The following SGCZ variants were observed in gnomAD, a reference collection of about 807,000 sequenced individuals.
SGCZ encodes the protein zeta-sarcoglycan.
SGCZ carries 40 observed loss-of-function variants against 41.3 expected under a neutral mutation model. The observed-to-expected ratio is 0.97, with a 90% CI of 0.75 to 1.26. The LOEUF is 1.26. Ranked by LOEUF, SGCZ falls within the 50% of genes most tolerant of loss-of-function variation. The pLI, the probability that SGCZ is intolerant of heterozygous loss-of-function variation, is 0.00. For synonymous variants in SGCZ, 206 were observed against 137.5 expected (o/e 1.50, Z -3.49); for missense variants, 552 against 369.8 (o/e 1.49, Z -4.04).
rs185402595 is a variant in SGCZ at position 14,824,129 on chromosome 8, C to T, written c.40-269203G>A. On this transcript the variant is annotated intron_variant, in intron 1 of 7. Coordinates refer to ENST00000382080, the MANE Select transcript of SGCZ (RefSeq NM_139167.4). ...GAGAGGAGGATGAGAAAAGGTTTTT[C>T]GAGAGAAACAGACTTACAAATGGGT... 2.4e-4 allele frequency among the ~76,000 whole-genome samples: 37 copies of T among 152,098 alleles called. No homozygotes were observed. In the Middle Eastern group the frequency reaches 0.01, roughly 42 times the overall value.
chr8:14,564,422 C>G (rs1231841146), intron 1 of SGCZ, among the ~76,000 whole-genome samples: 1 of 152,170 alleles, frequency 6.6e-6, no homozygotes, highest in East Asian at 1.9e-4. Context: ...GAGTTCAGAT[C>G]CCAGCTTGTC....
At chr8:15,083,705 T>C (rs1352662526) in intron 1 of SGCZ, among the ~76,000 whole-genome samples, 1 of 152,108 alleles carries the variant, frequency 6.6e-6, no homozygotes, top group Admixed American at 6.5e-5. Context: ...TGTGCTTTCA[T>C]GTCCAGCTAA....
chr8:14,405,664 G>C (rs903015249), intron 2 of SGCZ, among the ~76,000 whole-genome samples: 1 of 152,090 alleles, frequency 6.6e-6, no homozygotes, highest in Non-Finnish European at 1.5e-5. Flanking sequence ...TTGAGATTCT[G>C]TGTTTTGTGA....
At chr8:14,171,793 T>C (rs1804391441) in intron 4 of SGCZ, among the ~76,000 whole-genome samples, 2 of 152,110 alleles carry the variant, frequency 1.3e-5, no homozygotes, top group South Asian at 4.1e-4. Context: ...TTAGTTTTTA[T>C]ATAAAAATTA....
intron 2 of SGCZ, among the ~76,000 whole-genome samples, chr8:14,466,258 GTTT>G (rs1000161712): frequency 1.3e-5 from 2 of 151,922 alleles, no homozygotes; most frequent in African/African-American, 4.8e-5. Context: ...TTGGTTGCCA[GTTT>G]TTTTGTTTGT....
chr8:14,452,693 G>C (rs1404469495), intron 2 of SGCZ, among the ~76,000 whole-genome samples: 1 of 152,098 alleles, frequency 6.6e-6, no homozygotes, highest in African/African-American at 2.4e-5. Flanking sequence ...TGGAGGCCGG[G>C]AGATAGGGTG....
chr8:15,226,372 G>A (rs1240426852), intron 1 of SGCZ, among the ~76,000 whole-genome samples: 3 of 152,210 alleles, frequency 2.0e-5, no homozygotes, highest in Non-Finnish European at 4.4e-5. Flanking sequence ...GGCTCCGCAA[G>A]AGTGTAACTC....
intron 1 of SGCZ, among the ~76,000 whole-genome samples, chr8:15,069,091 T>C (rs1412747859): frequency 6.6e-6 from 1 of 152,256 alleles, no homozygotes; most frequent in Non-Finnish European, 1.5e-5. Flanking sequence ...GAATGTTCTT[T>C]CATTTAATAA....
intron 1 of SGCZ, among the ~76,000 whole-genome samples, chr8:14,756,777 T>G (rs1192532103): frequency 6.6e-6 from 1 of 152,176 alleles, no homozygotes; most frequent in Admixed American, 6.6e-5. Context: ...ATTAATACAA[T>G]TGTACAAACA....
At chr8:14,289,523 T>G (rs1800768571) in intron 3 of SGCZ, among the ~76,000 whole-genome samples, 1 of 152,116 alleles carries the variant, frequency 6.6e-6, no homozygotes, top group Non-Finnish European at 1.5e-5. Flanking sequence ...TTGAAGAGAC[T>G]ATGACTTTCC....
chr8:14,954,366 C>T (rs778048421), intron 1 of SGCZ, among the ~76,000 whole-genome samples: 7 of 152,164 alleles, frequency 4.6e-5, no homozygotes, highest in Non-Finnish European at 7.3e-5. Flanking sequence ...TCTGCCTTCA[C>T]ATCCACCTTC....
chr8:14,213,852 G>C (rs62492323), intron 4 of SGCZ, among the ~76,000 whole-genome samples: 36,194 of 151,984 alleles, frequency 0.24, 5,538 homozygotes, highest in Non-Finnish European at 0.34. Flanking sequence ...AAAAAGTTAT[G>C]TCAGTTGTGA....
At chr8:14,787,530 T>A (rs766592719) in intron 1 of SGCZ, among the ~76,000 whole-genome samples, 4 of 152,102 alleles carry the variant, frequency 2.6e-5, no homozygotes, top group Non-Finnish European at 4.4e-5. Context: ...CAGTAGTAAC[T>A]GAGTTTTATC....
At chr8:14,833,747 G>A (rs1260963248) in intron 1 of SGCZ, among the ~76,000 whole-genome samples, 1 of 151,808 alleles carries the variant, frequency 6.6e-6, no homozygotes. Flanking sequence ...AGCAAGTGGA[G>A]GAAACTTCAA....
intron 1 of SGCZ, among the ~76,000 whole-genome samples, chr8:15,192,604 C>T (rs1346812011): frequency 6.6e-6 from 1 of 152,146 alleles, no homozygotes; most frequent in Non-Finnish European, 1.5e-5. Flanking sequence ...AATCCAAAGT[C>T]TCTTTCTGGT....
chr8:14,287,455 G>T lies in SGCZ; in HGVS notation c.336+36648C>A, dbSNP rs73666512. On this transcript the variant is annotated intron_variant, in intron 3 of 7. Transcript: ENST00000382080. ...ATTTCTGTCTGGTGGAAAAAAAGTG[G>T]CCCCAAGGTTTACAGTTTATTGCCC... Among the ~76,000 whole-genome samples, 1,412 of 150,896 alleles carry T rather than the reference G, an allele frequency of 9.4e-3. 28 individuals carry two copies. The highest frequency in any genetic ancestry group is 0.031 in the African/African-American group (1,293 of 41,160).
intron 1 of SGCZ, among the ~76,000 whole-genome samples, chr8:15,073,368 G>A (rs935725621): frequency 2.6e-5 from 4 of 152,042 alleles, no homozygotes; most frequent in African/African-American, 4.8e-5. Context: ...AGAGAGGATG[G>A]GGGAGAGAGA....
chr8:14,673,806 C>T (rs952514162), intron 1 of SGCZ, among the ~76,000 whole-genome samples: 4 of 152,102 alleles, frequency 2.6e-5, no homozygotes, highest in African/African-American at 7.2e-5. Flanking sequence ...GTAGATGCTA[C>T]TCAATTATTC....
intron 2 of SGCZ, among the ~76,000 whole-genome samples, chr8:14,334,266 G>A: frequency 6.6e-6 from 1 of 151,934 alleles, no homozygotes; most frequent in Non-Finnish European, 1.5e-5. Flanking sequence ...CCCTAACTAT[G>A]GCACTAAATA....
Sources: allele counts gnomAD v4.1 joint callset (sites outside exome capture counted in the v4.1 genomes callset), GRCh38; gene constraint gnomAD v4.1.1; transcripts MANE v1.5; gene names NCBI Gene and HGNC (gene_info 2026-07-23, HGNC 2026-07-21).